The following KCNN3 variants were observed in gnomAD, a reference collection of about 807,000 sequenced individuals.
The protein encoded by KCNN3 is potassium calcium-activated channel subfamily N member 3.
KCNN3 carries 16 observed loss-of-function variants against 62.9 expected under a neutral mutation model. The ratio of observed to expected loss-of-function variants is 0.25; its 90% CI spans 0.17 to 0.39. The LOEUF (loss-of-function observed/expected upper bound fraction) is 0.39, where lower values mean the gene tolerates loss of function less well. Among genes scored for constraint, KCNN3 ranks in the 10% least tolerant of loss-of-function variants. KCNN3 has a pLI of 1.00. For missense variants in KCNN3, 599 were observed against 949.4 expected, an observed-to-expected ratio of 0.63 and a Z score of 4.85; for synonymous variants, 370 against 389.2, an observed-to-expected ratio of 0.95 and a Z score of 0.58.
rs66459758 is a variant in KCNN3, at chr1:154,858,736, C to CT, written c.933+10295dup. ...GAGTAGCCTCGGACAAGTCATGTAA[C>CT]TTTTTTTTTTTTTTTTTTGAGACAA... is the stretch of plus-strand genomic sequence containing the variant. On this transcript the variant is annotated intron_variant, in intron 1 of 7. Coordinates refer to ENST00000271915, the MANE Select transcript of KCNN3 (RefSeq NM_002249.6). 1.0e-2 allele frequency among the ~76,000 whole-genome samples: 1,415 copies of CT among 141,820 alleles called. 19 individuals are homozygous for CT. The highest frequency in any genetic ancestry group is 0.027 in the African/African-American group (1,056 of 38,662). The allele number at this position is 141,820 out of a possible 152,430, so 93.0% of individuals were successfully genotyped here. A position where few individuals can be genotyped will look rare whatever the true frequency, so the allele number is the denominator to read the frequency against.
At chr1:154,855,293 T>C (rs1412791136) in intron 1 of KCNN3, among the ~76,000 whole-genome samples, 1 of 152,068 alleles carries the variant, frequency 6.6e-6, no homozygotes, top group African/African-American at 2.4e-5. Flanking sequence ...GAAAAAAATA[T>C]TTTAAATAAA....
intron 1 of KCNN3, among the ~76,000 whole-genome samples, chr1:154,853,876 G>A (rs960886394): frequency 6.6e-6 from 1 of 152,010 alleles, no homozygotes; most frequent in Admixed American, 6.6e-5. Context: ...TCTGGGAGGC[G>A]GAAGTTGCAG....
intron 3 of KCNN3, among the ~76,000 whole-genome samples, chr1:154,738,866 G>C (rs1700769344): frequency 6.6e-6 from 1 of 152,196 alleles, no homozygotes; most frequent in Non-Finnish European, 1.5e-5. Flanking sequence ...TTACTACAAG[G>C]CTCAACTATG....
Position 154,870,235 on chromosome 1 carries a change from T to C in KCNN3, c.-271A>G, listed in dbSNP as rs1442189875. Reference sequence around the variant, plus strand: ...AGAACTCTCTCAGGAGGTGGTCCTCTAGGAGCGTGTGAGGCCAGGCTCAGC... The same window carrying C: ...AGAACTCTCTCAGGAGGTGGTCCTCCAGGAGCGTGTGAGGCCAGGCTCAGC... On this transcript the variant is annotated 5_prime_UTR_variant, in exon 1 of 8. Coordinates refer to ENST00000271915, the MANE Select transcript of KCNN3 (RefSeq NM_002249.6). The C allele has an allele frequency of 1.7e-5, 11 of 634,968 alleles. No homozygotes were observed. Among genetic ancestry groups the C allele is most frequent in the Non-Finnish European group, 3.2e-5 (11 of 342,252 alleles). The allele number at this position is 634,968 out of a possible 1,614,324, so 39.3% of individuals were successfully genotyped here.
intron 2 of KCNN3, among the ~76,000 whole-genome samples, chr1:154,800,336 G>A (rs1401891233): frequency 1.3e-5 from 2 of 152,102 alleles, no homozygotes; most frequent in Admixed American, 6.5e-5. Flanking sequence ...TTCCCACCAG[G>A]GCCAAGCTCC....
intron 1 of KCNN3, among the ~76,000 whole-genome samples, chr1:154,854,230 A>G (rs1428676145): frequency 6.6e-6 from 1 of 152,086 alleles, no homozygotes; most frequent in Non-Finnish European, 1.5e-5. Flanking sequence ...GCAAGACTCC[A>G]TCTCAAAAAT....
At chr1:154,822,407 T>C (rs760975932) in intron 1 of KCNN3, among the ~76,000 whole-genome samples, 52 of 152,198 alleles carry the variant, frequency 3.4e-4, no homozygotes, top group Admixed American at 5.9e-4. Context: ...GCCTCTGTTT[T>C]CTCGGGCTAA....
Position 154,730,904 on chromosome 1 carries a change from C to T in KCNN3, c.1590+2099G>A, listed in dbSNP as rs529899829. Among the ~76,000 whole-genome samples the T allele has an allele frequency of 1.6e-4, 24 of 152,230 alleles. No homozygotes were observed. The East Asian group carries it at 4.6e-3, about 29-fold the overall frequency. On this transcript the variant is annotated intron_variant, in intron 4 of 7. Transcript: ENST00000271915. ...GCTGAAAGACAAACAGCCTCCGGAC[C>T]CCAAAGAGAGGCAGGGGTGGGGCCA...
Position 154,772,322 on chromosome 1 carries a change from G to A in KCNN3, c.1101C>T (p.Ser367=). Residue 367 remains serine, a synonymous_variant, in exon 3 of 8, where the codon AGC becomes AGT. Coordinates refer to ENST00000271915, the MANE Select transcript of KCNN3 (RefSeq NM_002249.6). This position sits in a 1 kb window ranked among gnomAD's most constrained non-coding sequence, Gnocchi z 5.6. ...AMTYERILYI[S]LEMLVCAIHP... is the part of the protein sequence containing the mutation. The stretch of plus-strand genomic sequence containing the variant: ...GGATGGCGCACACCAGCATCTCCAG[G>A]CTGATGTACAGGATGCGCTCGTAGG... 6.2e-7 allele frequency: 1 copy of A among 1,614,192 alleles called. No individual in the cohort carries two copies. Among genetic ancestry groups the A allele is most frequent in the Non-Finnish European group, 8.5e-7 (1 of 1,180,026 alleles).
chr1:154,869,328 G>A lies in KCNN3; in HGVS notation c.637C>T (p.Pro213Ser), dbSNP rs767038800. The change falls in exon 1 of 8, where the codon CCT (proline) becomes TCT (serine). Residue 213 changes from proline to serine, a missense_variant. This residue lies in a region of KCNN3 where 80 missense variants were observed against 85.4 expected (regional missense o/e 0.94). Transcript: ENST00000271915. The surrounding 1 kb of genome is among the most constrained non-coding windows in gnomAD (Gnocchi z 6.1). ...TEGQPLQLFS[P>S]SNPPEIVISS... ...ATGACGATCTCCGGGGGGTTGCTAG[G>A]GCTGAAAAGCTGGAGGGGTTGGCCC... The A allele has an allele frequency of 1.9e-6, 3 of 1,613,684 alleles. No individual in the cohort carries two copies. Among genetic ancestry groups the A allele is most frequent in the African/African-American group, 2.7e-5 (2 of 74,888 alleles).
At position 154,862,993 on chromosome 1, in the gene KCNN3, ATC is replaced by A. The variant is rs1652823811; in HGVS notation, c.933+6037_933+6038del. Among the ~76,000 whole-genome samples the A allele has an allele frequency of 6.6e-6, 1 of 152,096 alleles. No homozygotes were observed. Among genetic ancestry groups the A allele is most frequent in the Non-Finnish European group, 1.5e-5 (1 of 68,022 alleles). On this transcript the variant is annotated intron_variant, in intron 1 of 7. Transcript: ENST00000271915. The surrounding 1 kb of genome is among the most constrained non-coding windows in gnomAD (Gnocchi z 4.1). ...AGTGTCAGTGTGGCCCGGTGACTTCATCTACACAGGGGGCGGTGAGCACGACC... is the reference window on the plus strand; with the variant it reads ...AGTGTCAGTGTGGCCCGGTGACTTCATACACAGGGGGCGGTGAGCACGACC...
chr1:154,747,582 G>A (rs1388040208), intron 3 of KCNN3, among the ~76,000 whole-genome samples: 3 of 152,128 alleles, frequency 2.0e-5, no homozygotes, highest in Non-Finnish European at 4.4e-5. Context: ...GCTTTCTTCA[G>A]TGGAAAGGAA....
At chr1:154,806,511 A>G (rs1650179347) in intron 2 of KCNN3, among the ~76,000 whole-genome samples, 1 of 152,224 alleles carries the variant, frequency 6.6e-6, no homozygotes, top group Admixed American at 6.5e-5. Flanking sequence ...GCCCGAGGTC[A>G]CCCATTAGAC....
Position 154,703,340 on chromosome 1 carries a change from TC to T in KCNN3, c.*4635del, listed in dbSNP as rs943888085. 6.6e-6 allele frequency: 1 copy of T among 152,054 alleles called. No individual in the cohort carries two copies. The highest frequency in any genetic ancestry group is 1.5e-5 in the Non-Finnish European group (1 of 68,028). 9.4% of individuals were successfully genotyped at this position (152,054 alleles called of 1,614,324 possible). ...GAAGGAAAGGATACTGTCTGGGGCG[TC>T]ATCAAGCCCACCGACTGCAAGGGGA... On this transcript the variant is annotated 3_prime_UTR_variant, in exon 8 of 8. Transcript: ENST00000271915.
intron 1 of KCNN3, among the ~76,000 whole-genome samples, chr1:154,825,459 G>A (rs1389204341): frequency 6.7e-5 from 10 of 149,406 alleles, no homozygotes; most frequent in Admixed American, 4.7e-4. Flanking sequence ...TCTGCCTGCC[G>A]GGTTCATGCC....
chr1:154,851,266 C>T (rs1473915680), intron 1 of KCNN3, among the ~76,000 whole-genome samples: 1 of 152,176 alleles, frequency 6.6e-6, no homozygotes, highest in Non-Finnish European at 1.5e-5. Flanking sequence ...CGTGAGCCAC[C>T]GTGCCCGGCC....
intron 7 of KCNN3, among the ~76,000 whole-genome samples, chr1:154,711,678 T>G (rs1700077903): frequency 6.6e-6 from 1 of 152,128 alleles, no homozygotes; most frequent in African/African-American, 2.4e-5. Context: ...TAGCCCTGTT[T>G]GCTCCATATG....
intron 5 of KCNN3, among the ~76,000 whole-genome samples, chr1:154,715,433 CA>C (rs68051927): frequency 0.02 from 2,062 of 103,988 alleles, 43 homozygotes; most frequent in African/African-American, 0.078. Context: ...AACTCCATCT[CA>C]AAAAAAAAAA....
chr1:154,745,623 C>G (rs568734548), intron 3 of KCNN3, among the ~76,000 whole-genome samples: 1 of 152,164 alleles, frequency 6.6e-6, no homozygotes, highest in African/African-American at 2.4e-5. Context: ...AATGGATGCA[C>G]CATTTGAGGG....
Sources: allele counts gnomAD v4.1 joint callset (sites outside exome capture counted in the v4.1 genomes callset), GRCh38; gene constraint gnomAD v4.1.1; regional missense constraint gnomAD v4.1.1; non-coding constraint Gnocchi (gnomAD v3.1); transcripts MANE v1.5; gene names NCBI Gene and HGNC (gene_info 2026-07-23, HGNC 2026-07-21).